ADARB2: variants seen among roughly 807,000 people sequenced by gnomAD.
ADARB2 encodes the protein inactive double-stranded RNA-specific editase B2.
In ADARB2, 25 loss-of-function variants were observed where a neutral mutation model predicts 62.2. The observed-to-expected ratio is 0.40, with a 90% CI of 0.29 to 0.56. ADARB2 has a LOEUF of 0.56. Ranked by LOEUF, ADARB2 falls within the 20% of genes least tolerant of loss-of-function variation. ADARB2 has a pLI of 0.43. For synonymous variants in ADARB2, 572 were observed against 500.8 expected (o/e 1.14, Z -1.90); for missense variants, 1,071 against 1,077.4 (o/e 0.99, Z 0.08).
intron 7 of ADARB2, among the ~76,000 whole-genome samples, chr10:1,200,708 G>A (rs1042864888): frequency 1.3e-5 from 2 of 152,174 alleles, no homozygotes; most frequent in Non-Finnish European, 2.9e-5. Context: ...AGCTCTGGGT[G>A]AATGTTTTTG....
rs545051152 is a variant in ADARB2 at position 1,477,561 on chromosome 10, C to T, written c.101-98401G>A. On this transcript the variant is annotated intron_variant, in intron 1 of 9. Transcript: ENST00000381312. This position sits in a 1 kb window ranked among gnomAD's most constrained non-coding sequence, Gnocchi z 4.5. ...TGTCTTGGTAAATTCTTTTACCACC[C>T]GTGACACCAGCCCCAGCCATTGCAC... Among the ~76,000 whole-genome samples the T allele has an allele frequency of 1.2e-3, 176 of 152,250 alleles. No homozygotes were observed. The highest frequency in any genetic ancestry group is 1.8e-3 in the Non-Finnish European group (125 of 68,014).
chr10:1,453,454 G>C (rs552861066), intron 1 of ADARB2, among the ~76,000 whole-genome samples: 1 of 152,052 alleles, frequency 6.6e-6, no homozygotes, highest in East Asian at 1.9e-4. Context: ...GTAATGTAAG[G>C]GTTTAACGTC....
chr10:1,569,735 A>C (rs556832697), intron 1 of ADARB2, among the ~76,000 whole-genome samples: 2 of 152,308 alleles, frequency 1.3e-5, no homozygotes, highest in African/African-American at 4.8e-5. Context: ...CTCTAGACAC[A>C]TAGAAATTAT....
chr10:1,518,995 C>A (rs1249104313), intron 1 of ADARB2, among the ~76,000 whole-genome samples: 1 of 151,432 alleles, frequency 6.6e-6, no homozygotes, highest in Non-Finnish European at 1.5e-5. Context: ...CATATGCCTG[C>A]ATTCCATGTA....
intron 1 of ADARB2, among the ~76,000 whole-genome samples, chr10:1,422,173 A>T (rs1832857550): frequency 6.6e-6 from 1 of 152,240 alleles, no homozygotes; most frequent in Admixed American, 6.5e-5. Context: ...TAGAACGGGG[A>T]CGTCAAGGTA....
intron 1 of ADARB2, among the ~76,000 whole-genome samples, chr10:1,490,622 T>A (rs1044297431): frequency 7.9e-5 from 12 of 152,242 alleles, no homozygotes; most frequent in African/African-American, 2.6e-4. Context: ...GCCCAGCTAA[T>A]TTTTGTATTT....
chr10:1,562,509 G>C (rs937580372), intron 1 of ADARB2, among the ~76,000 whole-genome samples: 1 of 152,190 alleles, frequency 6.6e-6, no homozygotes, highest in African/African-American at 2.4e-5. Context: ...GTGCAGTCAT[G>C]AGCTGTCTCC....
intron 1 of ADARB2, among the ~76,000 whole-genome samples, chr10:1,415,197 ATGG>A (rs1248213787): frequency 6.6e-6 from 1 of 150,568 alleles, no homozygotes; most frequent in Non-Finnish European, 1.5e-5. Flanking sequence ...GGGTGAACAG[ATGG>A]TGGATGGATG....
chr10:1,220,531 C>T (rs1296647605), intron 6 of ADARB2, among the ~76,000 whole-genome samples: 1 of 152,156 alleles, frequency 6.6e-6, no homozygotes, highest in Non-Finnish European at 1.5e-5. Context: ...CATCAACTTT[C>T]TGCGGAAGGC....
chr10:1,379,085 T>C lies in ADARB2; in HGVS notation c.176A>G (p.Asp59Gly), dbSNP rs548406067. 6.2e-7 allele frequency: 1 copy of C among 1,613,346 alleles called. No homozygotes were observed. The highest frequency in any genetic ancestry group is 1.3e-5 in the African/African-American group (1 of 74,986). Residue 59 changes from aspartate to glycine, a missense_variant, in exon 2 of 10, where the codon GAC (aspartate) becomes GGC (glycine). Coordinates refer to ENST00000381312, the MANE Select transcript of ADARB2 (RefSeq NM_018702.4). ...GGGAAGTTGCTTACTGAGGGTGTCG[T>C]CATCCTCCGTGTTTGTGATGCCAGG... ...LSPGITNTEDDDTLSTSSAEV... is the reference protein window; with the variant it reads ...LSPGITNTEDGDTLSTSSAEV...
intron 4 of ADARB2, among the ~76,000 whole-genome samples, chr10:1,253,119 G>A (rs575081868): frequency 6.6e-6 from 1 of 152,130 alleles, no homozygotes; most frequent in African/African-American, 2.4e-5. Context: ...TTTGGAAAAA[G>A]TTTTTAAAGA....
At chr10:1,208,385 G>GTC (rs1453358749) in intron 7 of ADARB2, among the ~76,000 whole-genome samples, 1 of 152,154 alleles carries the variant, frequency 6.6e-6, no homozygotes, top group Non-Finnish European at 1.5e-5. Flanking sequence ...ACCCCCCGGG[G>GTC]TCCCTGTCCT....
intron 1 of ADARB2, among the ~76,000 whole-genome samples, chr10:1,474,736 G>A (rs532998244): frequency 4.1e-4 from 63 of 152,328 alleles, no homozygotes; most frequent in Admixed American, 1.9e-3. Flanking sequence ...CCCAGGCAGC[G>A]GGTGGGTCGA....
At chr10:1,350,298 C>T (rs1417253357) in intron 3 of ADARB2, among the ~76,000 whole-genome samples, 2 of 152,176 alleles carry the variant, frequency 1.3e-5, no homozygotes, top group African/African-American at 4.8e-5. Context: ...TCTTTCCCTC[C>T]CCTCAGTCCC....
At chr10:1,329,699 G>T (rs1003485945) in intron 3 of ADARB2, among the ~76,000 whole-genome samples, 10 of 152,170 alleles carry the variant, frequency 6.6e-5, no homozygotes, top group Admixed American at 3.9e-4. Context: ...TTATTCGATG[G>T]TGTGGGACAA....
intron 1 of ADARB2, among the ~76,000 whole-genome samples, chr10:1,596,396 C>A (rs1048501234): frequency 6.6e-6 from 1 of 152,206 alleles, no homozygotes; most frequent in African/African-American, 2.4e-5. Context: ...TCCCTGTAAG[C>A]ATTACTGCTC....
intron 1 of ADARB2, among the ~76,000 whole-genome samples, chr10:1,649,425 G>C (rs999176764): frequency 1.3e-4 from 20 of 152,134 alleles, no homozygotes; most frequent in African/African-American, 4.6e-4. Flanking sequence ...CTGCCCTTCA[G>C]CCACAGTTCA....
intron 4 of ADARB2, among the ~76,000 whole-genome samples, chr10:1,252,314 G>A (rs1831044347): frequency 6.6e-6 from 1 of 152,236 alleles, no homozygotes; most frequent in South Asian, 2.1e-4. Flanking sequence ...CATGTAGACT[G>A]CCCCAAGGGT....
chr10:1,637,303 G>T (rs1009163733), intron 1 of ADARB2, among the ~76,000 whole-genome samples: 1 of 152,184 alleles, frequency 6.6e-6, no homozygotes, highest in African/African-American at 2.4e-5. Flanking sequence ...GGGAAGGAAG[G>T]AGCAGCGTTG....
Sources: allele counts gnomAD v4.1 joint callset (sites outside exome capture counted in the v4.1 genomes callset), GRCh38; gene constraint gnomAD v4.1.1; non-coding constraint Gnocchi (gnomAD v3.1); transcripts MANE v1.5; gene names NCBI Gene and HGNC (gene_info 2026-07-23, HGNC 2026-07-21).